LMBRD1: variants seen among roughly 807,000 people sequenced by gnomAD.
LMBRD1 encodes the protein lysosomal cobalamin transport escort protein LMBD1.
In LMBRD1, 64 loss-of-function variants were observed where a neutral mutation model predicts 74.8. The observed-to-expected ratio is 0.86, with a 90% CI of 0.70 to 1.05. LMBRD1 has a LOEUF of 1.05. LMBRD1 is among the 50% of genes least tolerant of loss of function. LMBRD1 has a pLI of 0.00. For synonymous variants in LMBRD1, 204 were observed against 216.3 expected (o/e 0.94, Z 0.50); for missense variants, 652 against 645.9 (o/e 1.01, Z -0.10).
chr6:69,762,887 CT>C (rs900371979), intron 3 of LMBRD1, among the ~76,000 whole-genome samples: 1 of 152,122 alleles, frequency 6.6e-6, no homozygotes, highest in Admixed American at 6.5e-5. Context: ...GACTTCCTAG[CT>C]TCCAGAATTG....
chr6:69,701,629 A>G, intron 10 of LMBRD1, 84 bp from the exon 11 acceptor site: 1 of 818,328 alleles, frequency 1.2e-6, no homozygotes, highest in Non-Finnish European at 2.0e-6. Context: ...TAAGCATGCA[A>G]ATACACCTGA....
chr6:69,742,676 G>C (rs1029828404), intron 5 of LMBRD1, among the ~76,000 whole-genome samples: 6 of 152,080 alleles, frequency 3.9e-5, no homozygotes, highest in Non-Finnish European at 2.9e-5. Context: ...CTAATTTTAA[G>C]TGTAAGCAAA....
intron 14 of LMBRD1, among the ~76,000 whole-genome samples, chr6:69,682,878 G>C (rs1765692032): frequency 6.6e-6 from 1 of 151,940 alleles, no homozygotes; most frequent in Admixed American, 6.6e-5. Context: ...TATGGTGCTA[G>C]ATCAAATTTC....
chr6:69,727,047 C>T (rs937616926), intron 7 of LMBRD1, among the ~76,000 whole-genome samples: 2 of 151,906 alleles, frequency 1.3e-5, no homozygotes, highest in African/African-American at 4.8e-5. Context: ...CCCAGCTACT[C>T]GGGAGGCTGA....
At chr6:69,720,453 A>G (rs145494242) in intron 7 of LMBRD1, among the ~76,000 whole-genome samples, 161 of 152,330 alleles carry the variant, frequency 1.1e-3, no homozygotes, top group South Asian at 3.5e-3. Flanking sequence ...TATTAGATGA[A>G]AATGTAATTT....
chr6:69,757,263 A>C (rs898469412), intron 3 of LMBRD1, among the ~76,000 whole-genome samples: 2 of 152,210 alleles, frequency 1.3e-5, no homozygotes, highest in African/African-American at 4.8e-5. Flanking sequence ...CTAATCTGAG[A>C]AGTCAAAAAA....
intron 7 of LMBRD1, among the ~76,000 whole-genome samples, chr6:69,727,894 CA>C (rs2149862336): frequency 1.3e-5 from 2 of 152,130 alleles, no homozygotes; most frequent in African/African-American, 4.8e-5. Flanking sequence ...ATTCTTTAAA[CA>C]TTATTGATAA....
At chr6:69,749,317 T>TA (rs747564498) in intron 5 of LMBRD1, 24 bp downstream of exon 5, 17,465 of 1,179,424 alleles carry the variant, frequency 0.015, no homozygotes, top group Non-Finnish European at 0.017. Flanking sequence ...TTTCATGGTT[T>TA]AAAAAAAAAA....
At chr6:69,725,033 A>T (rs1343141127) in intron 7 of LMBRD1, among the ~76,000 whole-genome samples, 3 of 152,184 alleles carry the variant, frequency 2.0e-5, no homozygotes, top group Admixed American at 2.0e-4. Context: ...TACAAAATCA[A>T]CATACAAAAA....
At chr6:69,677,825 A>G (rs1339642168) in intron 14 of LMBRD1, among the ~76,000 whole-genome samples, 1 of 152,170 alleles carries the variant, frequency 6.6e-6, no homozygotes, top group Non-Finnish European at 1.5e-5. Flanking sequence ...AATAAATCAT[A>G]TATTTTTCTC....
intron 3 of LMBRD1, among the ~76,000 whole-genome samples, chr6:69,772,824 T>C (rs1765603345): frequency 6.6e-6 from 1 of 152,166 alleles, no homozygotes; most frequent in Admixed American, 6.5e-5. Context: ...AAAATTGAAA[T>C]TTGATGAGAT....
At chr6:69,726,127 A>G (rs188717750) in intron 7 of LMBRD1, among the ~76,000 whole-genome samples, 2 of 152,346 alleles carry the variant, frequency 1.3e-5, no homozygotes, top group East Asian at 3.9e-4. Context: ...ACAAATGAAA[A>G]GGTGCTCAAC....
At chr6:69,781,771 G>A (rs1765839368) in intron 2 of LMBRD1, among the ~76,000 whole-genome samples, 2 of 151,966 alleles carry the variant, frequency 1.3e-5, no homozygotes, top group Admixed American at 1.3e-4. Context: ...TTTAATAAAT[G>A]GAAAGTCATC....
At chr6:69,789,551 A>T (rs1206442831) in intron 2 of LMBRD1, among the ~76,000 whole-genome samples, 4 of 151,308 alleles carry the variant, frequency 2.6e-5, no homozygotes, top group Admixed American at 1.3e-4. Flanking sequence ...TATATATATA[A>T]AATAAAATAA....
intron 3 of LMBRD1, among the ~76,000 whole-genome samples, chr6:69,769,739 AGTG>A (rs1765540417): frequency 9.5e-6 from 1 of 105,482 alleles, no homozygotes; most frequent in Non-Finnish European, 1.9e-5. Context: ...CGATTTTTTT[AGTG>A]TTTTTTTTTT....
chr6:69,730,552 G>C (rs1379405897), intron 7 of LMBRD1, among the ~76,000 whole-genome samples: 1 of 152,104 alleles, frequency 6.6e-6, no homozygotes, highest in Non-Finnish European at 1.5e-5. Context: ...CAGAAGCCAT[G>C]ACATAGTTGT....
At chr6:69,747,426 G>A (rs868568221) in intron 5 of LMBRD1, among the ~76,000 whole-genome samples, 3 of 152,220 alleles carry the variant, frequency 2.0e-5, no homozygotes, top group Non-Finnish European at 4.4e-5. Context: ...TGTTATTTAA[G>A]CCACCCAGTC....
At chr6:69,680,617 C>T (rs1442497937) in intron 14 of LMBRD1, among the ~76,000 whole-genome samples, 1 of 151,964 alleles carries the variant, frequency 6.6e-6, no homozygotes, top group Non-Finnish European at 1.5e-5. Flanking sequence ...TTGACAGAAG[C>T]CTTTTAAAAT....
chr6:69,796,759 C>G, intron 1 of LMBRD1, 54 bp downstream of exon 1: 1 of 1,552,134 alleles, frequency 6.4e-7, no homozygotes, highest in Non-Finnish European at 8.9e-7. Context: ...AGGGCCTGCC[C>G]CTCCCTTCCT....
Sources: gnomAD v4.1 joint callset for allele counts (sites outside exome capture counted in the v4.1 genomes callset) on GRCh38, gnomAD v4.1.1 for gene constraint, MANE v1.5 for transcripts, NCBI Gene and HGNC (gene_info 2026-07-23, HGNC 2026-07-21) for gene names.